The following FAM217A variants were observed in gnomAD, a reference collection of about 807,000 sequenced individuals.
The protein encoded by FAM217A is protein FAM217A.
FAM217A carries 13 observed loss-of-function variants against 18.5 expected under a neutral mutation model. That is an observed-to-expected ratio of 0.70 (90% confidence interval 0.46 to 1.12). The LOEUF (loss-of-function observed/expected upper bound fraction) is 1.12, where lower values mean the gene tolerates loss of function less well. Ranked by LOEUF, FAM217A falls within the 50% of genes most tolerant of loss-of-function variation. The pLI, the probability that FAM217A is intolerant of heterozygous loss-of-function variation, is 0.00. For missense variants in FAM217A, 560 were observed against 575.4 expected (o/e 0.97, Z 0.27); for synonymous variants, 161 against 202.8 (o/e 0.79, Z 1.75).
upstream of FAM217A, chr6:4,079,635 C>A: frequency 1.6e-6 from 2 of 1,288,782 alleles, no homozygotes; most frequent in South Asian, 2.5e-5. Context: ...CCGCCTCCAC[C>A]CTCCATTCCC....
At position 4,077,461 on chromosome 6, in the gene FAM217A, C is replaced by A. The variant is rs867835254; in HGVS notation, c.-34-13G>T. ...TTTCCTTAAAATCCTACACAGATTG[C>A]GGGATAGGCACATTTATGGGTAAGG... On this transcript the variant is annotated splice_polypyrimidine_tract_variant and intron_variant, in intron 1 of 6. Transcript: ENST00000274673. 2.6e-5 allele frequency: 41 copies of A among 1,591,380 alleles called. No individual in the cohort carries two copies. The highest frequency in any genetic ancestry group is 3.4e-5 in the Non-Finnish European group (39 of 1,159,702).
intron 2 of FAM217A, among the ~76,000 whole-genome samples, chr6:4,076,497 T>C (rs1769805209): frequency 6.6e-6 from 1 of 152,212 alleles, no homozygotes; most frequent in Non-Finnish European, 1.5e-5. Flanking sequence ...TTTTTTCAGC[T>C]ATATAATCCT....
intron 1 of FAM217A, among the ~76,000 whole-genome samples, chr6:4,086,391 A>C (rs1408020738): frequency 1.4e-5 from 2 of 145,670 alleles, no homozygotes; most frequent in African/African-American, 5.1e-5. Context: ...GGTTGCAGTG[A>C]GCCGAGATCA....
At chr6:4,081,666 C>T (rs553619352), upstream of FAM217A, among the ~76,000 whole-genome samples, 1 of 152,208 alleles carries the variant, frequency 6.6e-6, no homozygotes, top group African/African-American at 2.4e-5. Context: ...ATTATATAAC[C>T]TTTTCCACCT....
At chr6:4,070,096 C>T (rs1016233125) in intron 6 of FAM217A, among the ~76,000 whole-genome samples, 176 bp from the exon 7 acceptor site, 38 of 152,224 alleles carry the variant, frequency 2.5e-4, no homozygotes, top group African/African-American at 7.7e-4. Context: ...CTCTAATATA[C>T]AACTACATAA....
intron 2 of FAM217A, among the ~76,000 whole-genome samples, chr6:4,076,855 A>G (rs986339324): frequency 6.6e-6 from 1 of 152,222 alleles, no homozygotes; most frequent in Non-Finnish European, 1.5e-5. Flanking sequence ...GAGACAGAGG[A>G]AGACTAAGTC....
At chr6:4,075,908 T>C (rs1440319450) in intron 2 of FAM217A, among the ~76,000 whole-genome samples, 4 of 152,144 alleles carry the variant, frequency 2.6e-5, no homozygotes, top group Admixed American at 2.0e-4. Context: ...AAAATATAAT[T>C]AATAAAATTA....
At chr6:4,082,779 T>G (rs1480243051), upstream of FAM217A, among the ~76,000 whole-genome samples, 1 of 152,224 alleles carries the variant, frequency 6.6e-6, no homozygotes, top group Non-Finnish European at 1.5e-5. Context: ...TCCCCTGTAT[T>G]TCTGAGTTTT....
In FAM217A at chr6:4,069,197, C is replaced by G. The variant is rs778934160; in HGVS notation, c.1026G>C (p.Gln342His). 6.9e-6 allele frequency: 11 copies of G among 1,604,098 alleles called. No homozygotes were observed. The Admixed American group carries it at 1.5e-4, about 22-fold the overall frequency. Residue 342 changes from glutamine (Q) to histidine (H), a missense_variant, in exon 7 of 7, where the codon CAG (glutamine) becomes CAC (histidine). Physicochemically the swap from Gln to His is conservative, Grantham distance 24 (BLOSUM62 0). Coordinates refer to ENST00000274673, the MANE Select transcript of FAM217A (RefSeq NM_173563.3). ...QPKLCDSLSL[Q>H]IPCVDKSQEK... is the part of the protein sequence containing the mutation. ...CTTGACTTTTATCTACACAAGGTAT[C>G]TGAAGACTCAAAGAGTCGCAAAGTT...
At chr6:4,085,320 A>G (rs563144712) in intron 1 of FAM217A, among the ~76,000 whole-genome samples, 4 of 149,430 alleles carry the variant, frequency 2.7e-5, no homozygotes, top group Non-Finnish European at 1.5e-5. Context: ...AAATATATAT[A>G]TATATATAAA....
chr6:4,068,632 A>G lies in FAM217A; in HGVS notation c.*64T>C. The G allele has an allele frequency of 6.7e-7, 1 of 1,499,244 alleles. No individual in the cohort carries two copies. Among genetic ancestry groups the G allele is most frequent in the East Asian group, 2.3e-5 (1 of 44,172 alleles). The allele number at this position is 1,499,244 out of a possible 1,614,324, so 92.9% of individuals were successfully genotyped here. On this transcript the variant is annotated 3_prime_UTR_variant, in exon 7 of 7. Transcript: ENST00000274673. Reference sequence around the variant, plus strand: ...TAGTACCTGTGTCTTGGAATAATTAACCATATCTTAGTTGGGCTTCTTAGA... The same window carrying G: ...TAGTACCTGTGTCTTGGAATAATTAGCCATATCTTAGTTGGGCTTCTTAGA...
upstream of FAM217A, among the ~76,000 whole-genome samples, chr6:4,083,123 GCT>G (rs1306502940): frequency 6.6e-6 from 1 of 152,196 alleles, no homozygotes; most frequent in African/African-American, 2.4e-5. Flanking sequence ...TGAGGCAGAT[GCT>G]CTCTATTTCA....
intron 6 of FAM217A, among the ~76,000 whole-genome samples, chr6:4,072,553 G>A (rs1309415867): frequency 2.6e-5 from 4 of 151,780 alleles, no homozygotes; most frequent in South Asian, 2.1e-4. Flanking sequence ...ACCTGAGGTC[G>A]GGAGTTTGAG....
At chr6:4,075,554 C>T (rs1002963610) in intron 2 of FAM217A, among the ~76,000 whole-genome samples, 1 of 152,098 alleles carries the variant, frequency 6.6e-6, no homozygotes, top group African/African-American at 2.4e-5. Flanking sequence ...ATGTTCCAGA[C>T]ATTGTGCAGA....
upstream of FAM217A, among the ~76,000 whole-genome samples, chr6:4,080,866 T>C (rs781565495): frequency 2.6e-5 from 4 of 151,502 alleles, no homozygotes; most frequent in Non-Finnish European, 5.9e-5. Flanking sequence ...AACTCACAAG[T>C]CATTTTTCCT....
upstream of FAM217A, among the ~76,000 whole-genome samples, chr6:4,079,961 G>C (rs371733937): frequency 9.2e-4 from 131 of 142,204 alleles, no homozygotes; most frequent in Admixed American, 2.5e-3. Flanking sequence ...GGAGGGGTGG[G>C]GGAAGAATCT....
upstream of FAM217A, chr6:4,079,623 A>ACCCG: frequency 8.2e-7 from 1 of 1,218,672 alleles, no homozygotes; most frequent in African/African-American, 1.6e-5. Context: ...GGCCCGGCCC[A>ACCCG]CCCGCCTCCA....
In FAM217A at chr6:4,074,590, A is replaced by G; in HGVS notation, c.132T>C (p.Asp44=). Residue 44 remains aspartate, a synonymous_variant, in exon 3 of 7, where the codon GAT becomes GAC. Coordinates refer to ENST00000274673, the MANE Select transcript of FAM217A (RefSeq NM_173563.3). ...AGGATTTCTTACCACCTGCTGCTCC[A>G]TCCCTTCCAGCTGGGAGGTTTTTAT... The part of the protein sequence containing the change: ...SENKNLPAGR[D]GAAGGKINKN... 6.2e-7 allele frequency: 1 copy of G among 1,613,294 alleles called. No individual in the cohort carries two copies. Among genetic ancestry groups the G allele is most frequent in the Non-Finnish European group, 8.5e-7 (1 of 1,179,308 alleles).
Position 4,068,624 on chromosome 6 carries a change from AATAATTAACC to A in FAM217A, c.*62_*71del, listed in dbSNP as rs1769181144. 6.7e-7 allele frequency: 1 copy of A among 1,481,888 alleles called. No individual in the cohort carries two copies. The highest frequency in any genetic ancestry group is 9.0e-7 in the Non-Finnish European group (1 of 1,107,716). The allele number at this position is 1,481,888 out of a possible 1,614,324, so 91.8% of individuals were successfully genotyped here. A position where few individuals can be genotyped will look rare whatever the true frequency, so the allele number is the denominator to read the frequency against. ...ACTGTTAATAGTACCTGTGTCTTGG[AATAATTAACC>A]ATATCTTAGTTGGGCTTCTTAGAGT... On this transcript the variant is annotated 3_prime_UTR_variant, in exon 7 of 7. Transcript: ENST00000274673.
Sources: allele counts gnomAD v4.1 joint callset (sites outside exome capture counted in the v4.1 genomes callset), GRCh38; gene constraint gnomAD v4.1.1; transcripts MANE v1.5; gene names NCBI Gene and HGNC (gene_info 2026-07-23, HGNC 2026-07-21).